The following SESN1 variants were observed in gnomAD, a reference collection of about 807,000 sequenced individuals.
The protein encoded by SESN1 is sestrin 1.
SESN1 carries 30 observed loss-of-function variants against 59.3 expected under a neutral mutation model. The observed-to-expected ratio is 0.51, with a 90% confidence interval of 0.38 to 0.69. The LOEUF is 0.69. Ranked by LOEUF, SESN1 falls within the 30% of genes least tolerant of loss-of-function variation. The pLI, the probability that SESN1 is intolerant of heterozygous loss-of-function variation, is 0.00. For synonymous variants in SESN1, 197 were observed against 219.9 expected (o/e 0.90, Z 0.92); for missense variants, 566 against 673.0 (o/e 0.84, Z 1.76).
At chr6:108,998,256 C>G (rs1779540439) in intron 5 of SESN1, among the ~76,000 whole-genome samples, 1 of 152,118 alleles carries the variant, frequency 6.6e-6, no homozygotes, top group African/African-American at 2.4e-5. Context: ...GGCTCCTGAT[C>G]CTAAAATTAT....
At chr6:109,052,722 T>G (rs879744403) in intron 1 of SESN1, among the ~76,000 whole-genome samples, 4 of 152,230 alleles carry the variant, frequency 2.6e-5, no homozygotes, top group Non-Finnish European at 4.4e-5. Flanking sequence ...ATTTGTGATT[T>G]ATAGGCTTAA....
chr6:108,990,450 G>T (rs752208281), intron 8 of SESN1, among the ~76,000 whole-genome samples, 195 bp downstream of exon 8: 13 of 152,200 alleles, frequency 8.5e-5, no homozygotes, highest in Non-Finnish European at 1.3e-4. Flanking sequence ...TCTCCCTCCT[G>T]CCTAGCTAGG....
At position 109,029,133 on chromosome 6, in the gene SESN1, T is replaced by C. The variant is rs191306797; in HGVS notation, c.280-26790A>G. 4.6e-5 allele frequency among the ~76,000 whole-genome samples: 7 copies of C among 152,296 alleles called. No individual in the cohort carries two copies. The East Asian group carries it at 1.4e-3, about 29-fold the overall frequency. ...ATTTACTGTGGAAGATTTGCAATAATGTAAGCAGTAAATGGAAGACTAAAA... is the reference window on the plus strand; with the variant it reads ...ATTTACTGTGGAAGATTTGCAATAACGTAAGCAGTAAATGGAAGACTAAAA... On this transcript the variant is annotated intron_variant, in intron 1 of 9. Coordinates refer to ENST00000436639, the MANE Select transcript of SESN1 (RefSeq NM_014454.3).
intron 1 of SESN1, among the ~76,000 whole-genome samples, chr6:109,037,377 CA>C: frequency 6.6e-6 from 1 of 152,046 alleles, no homozygotes; most frequent in Non-Finnish European, 1.5e-5. Flanking sequence ...CCGTAGAAAC[CA>C]TAACACTCCA....
intron 1 of SESN1, among the ~76,000 whole-genome samples, chr6:109,024,482 T>C (rs1196344590): frequency 6.6e-6 from 1 of 152,178 alleles, no homozygotes; most frequent in African/African-American, 2.4e-5. Context: ...CTCTCCCAGA[T>C]TAGGTTAAAA....
At chr6:109,068,533 A>G (rs926886599) in intron 1 of SESN1, among the ~76,000 whole-genome samples, 3 of 152,296 alleles carry the variant, frequency 2.0e-5, no homozygotes, top group East Asian at 3.9e-4. Flanking sequence ...CGGTATATGA[A>G]AAAAGGTTAA....
At chr6:109,084,901 A>C (rs181344485) in intron 1 of SESN1, among the ~76,000 whole-genome samples, 3 of 152,252 alleles carry the variant, frequency 2.0e-5, no homozygotes, top group Non-Finnish European at 2.9e-5. Flanking sequence ...AGTGTGCCAC[A>C]AACTGTGAGT....
At chr6:109,009,571 C>G (rs1779817713) in intron 1 of SESN1, 1 of 1,101,552 alleles carries the variant, frequency 9.1e-7, no homozygotes, top group Non-Finnish European at 1.1e-6. Context: ...GGCGGGGCGG[C>G]GCCGACAAAC....
intron 4 of SESN1, chr6:108,999,010 A>G (rs1011352551): frequency 1.7e-4 from 47 of 281,748 alleles, no homozygotes; most frequent in African/African-American, 9.8e-4. Flanking sequence ...ATGTAAGAGA[A>G]TGCATTTTGC....
chr6:109,001,320 G>A lies in SESN1; in HGVS notation c.514C>T (p.Pro172Ser). Residue 172 changes from proline to serine, a missense_variant, in exon 3 of 10, where the codon CCC becomes TCC. Coordinates refer to ENST00000436639, the MANE Select transcript of SESN1 (RefSeq NM_014454.3). ...HYLLQMDGPLPLHYRHYIGIM... is the reference protein window; with the variant it reads ...HYLLQMDGPLSLHYRHYIGIM... ...CCAATGTAGTGACGATAATGTAGGGGTAACGGCCCATCCATTTGCAGTAGA... is the reference window on the plus strand; with the variant it reads ...CCAATGTAGTGACGATAATGTAGGGATAACGGCCCATCCATTTGCAGTAGA... 6.2e-7 allele frequency: 1 copy of A among 1,613,810 alleles called. No individual in the cohort carries two copies. The highest frequency in any genetic ancestry group is 8.5e-7 in the Non-Finnish European group (1 of 1,179,748).
intron 1 of SESN1, among the ~76,000 whole-genome samples, chr6:109,053,725 A>G (rs1161045035): frequency 2.0e-5 from 3 of 152,222 alleles, no homozygotes; most frequent in African/African-American, 7.2e-5. Flanking sequence ...CAAACACTTA[A>G]GGGAAAGAAA....
chr6:109,029,680 C>G (rs1780151243), intron 1 of SESN1, among the ~76,000 whole-genome samples: 1 of 152,098 alleles, frequency 6.6e-6, no homozygotes, highest in South Asian at 2.1e-4. Flanking sequence ...TTAACAGGTG[C>G]ATGCCACCAC....
At chr6:109,038,866 GGAA>G (rs2114409749) in intron 1 of SESN1, among the ~76,000 whole-genome samples, 1 of 151,032 alleles carries the variant, frequency 6.6e-6, no homozygotes, top group South Asian at 2.1e-4. Flanking sequence ...AAGAGGAGGA[GGAA>G]GAAGAAATGA....
intron 1 of SESN1, among the ~76,000 whole-genome samples, chr6:109,054,716 T>G (rs1780600712): frequency 6.6e-6 from 1 of 152,210 alleles, no homozygotes; most frequent in African/African-American, 2.4e-5. Flanking sequence ...TCTATTTTTG[T>G]CTTTTGCTTT....
At position 108,991,085 on chromosome 6, in the gene SESN1, A is replaced by C. The variant is rs182633303; in HGVS notation, c.1234-250T>G. On this transcript the variant is annotated intron_variant, in intron 7 of 9. Transcript: ENST00000436639. The stretch of plus-strand genomic sequence containing the variant: ...TCATCTCAAAAAAAAACAACAACAA[A>C]AAAAAACTAATAGTCTCTTCCCCTT... 5.2e-3 allele frequency among the ~76,000 whole-genome samples: 779 copies of C among 149,360 alleles called. 11 individuals carry two copies. The highest frequency in any genetic ancestry group is 0.01 in the African/African-American group (398 of 39,244).
intron 6 of SESN1, 29 bp from the exon 7 acceptor site, chr6:108,992,928 T>C (rs1779419697): frequency 7.1e-7 from 1 of 1,412,664 alleles, no homozygotes; most frequent in Non-Finnish European, 1.0e-6. Flanking sequence ...GAAAGGTTTT[T>C]AAAAATAGGA....
chr6:109,057,490 C>T (rs1213742494), intron 1 of SESN1, among the ~76,000 whole-genome samples: 1 of 152,146 alleles, frequency 6.6e-6, no homozygotes, highest in Non-Finnish European at 1.5e-5. Flanking sequence ...TTGTTATTTG[C>T]AGCCAAACAC....
intron 1 of SESN1, among the ~76,000 whole-genome samples, chr6:109,010,177 T>C (rs1459027206): frequency 1.3e-5 from 2 of 152,158 alleles, no homozygotes; most frequent in Non-Finnish European, 2.9e-5. Flanking sequence ...CTTTACAATT[T>C]CTAATATTCC....
chr6:109,090,164 T>G (rs933010523), intron 1 of SESN1, among the ~76,000 whole-genome samples: 1 of 152,190 alleles, frequency 6.6e-6, no homozygotes, highest in Non-Finnish European at 1.5e-5. Flanking sequence ...CACAGCAACA[T>G]TGTGAGGCAG....
Sources: gnomAD v4.1 joint callset for allele counts (sites outside exome capture counted in the v4.1 genomes callset) on GRCh38, gnomAD v4.1.1 for gene constraint, MANE v1.5 for transcripts, NCBI Gene and HGNC (gene_info 2026-07-23, HGNC 2026-07-21) for gene names.